Variants in NKAIN2 observed in about 807,000 individuals in gnomAD.
NKAIN2 encodes the protein sodium/potassium transporting ATPase interacting 2, also known as sodium/potassium-transporting ATPase subunit beta-1-interacting protein 2.
A neutral mutation model predicts 32.6 loss-of-function variants in NKAIN2; 14 were observed. That is an observed-to-expected ratio of 0.43 (90% CI 0.28 to 0.67). NKAIN2 has a LOEUF of 0.67. Ranked by LOEUF, NKAIN2 falls within the 30% of genes least tolerant of loss-of-function variation. The pLI, the probability that NKAIN2 is intolerant of heterozygous loss-of-function variation, is 0.17. For synonymous variants in NKAIN2, 80 were observed against 87.2 expected (o/e 0.92, Z 0.46); for missense variants, 198 against 258.3 (o/e 0.77, Z 1.60).
intron 3 of NKAIN2, among the ~76,000 whole-genome samples, chr6:124,532,959 G>GGA (rs1447836823): frequency 1.3e-5 from 2 of 152,260 alleles, no homozygotes; most frequent in African/African-American, 4.8e-5. Flanking sequence ...GAAAAAGATA[G>GGA]GAGCTGGGTT....
intron 3 of NKAIN2, among the ~76,000 whole-genome samples, chr6:124,590,202 G>A (rs1337870): frequency 1 from 152,083 of 152,294 alleles, 75,937 homozygotes; most frequent in Middle Eastern, 1. Flanking sequence ...CCCTAAGGCC[G>A]TACTTTAGTG....
At chr6:124,591,439 A>C (rs1447634324) in intron 3 of NKAIN2, among the ~76,000 whole-genome samples, 1 of 152,130 alleles carries the variant, frequency 6.6e-6, no homozygotes, top group Non-Finnish European at 1.5e-5. Flanking sequence ...CCAAGCCTTC[A>C]AACCAGTATG....
At chr6:124,567,051 C>T (rs1188644450) in intron 3 of NKAIN2, among the ~76,000 whole-genome samples, 1 of 152,202 alleles carries the variant, frequency 6.6e-6, no homozygotes, top group Non-Finnish European at 1.5e-5. Context: ...CAGCCTCTGA[C>T]CTTTTAACAT....
At chr6:123,825,923 T>A (rs1395828038) in intron 1 of NKAIN2, among the ~76,000 whole-genome samples, 1 of 152,130 alleles carries the variant, frequency 6.6e-6, no homozygotes, top group African/African-American at 2.4e-5. Flanking sequence ...CTGGAATACT[T>A]AGATTAAAAG....
At chr6:123,922,063 A>G (rs1162925140) in intron 1 of NKAIN2, among the ~76,000 whole-genome samples, 3 of 152,164 alleles carry the variant, frequency 2.0e-5, no homozygotes, top group Non-Finnish European at 2.9e-5. Context: ...TACATTCTTC[A>G]TTAGAGAGAC....
chr6:123,923,105 G>C (rs1471638776), intron 1 of NKAIN2, among the ~76,000 whole-genome samples: 2 of 149,348 alleles, frequency 1.3e-5, no homozygotes, highest in Non-Finnish European at 3.0e-5. Context: ...CTACTTCATA[G>C]AGTTTTTCAA....
At chr6:124,085,260 A>T (rs1445555650) in intron 1 of NKAIN2, among the ~76,000 whole-genome samples, 1 of 152,066 alleles carries the variant, frequency 6.6e-6, no homozygotes, top group Non-Finnish European at 1.5e-5. Context: ...TAAATTTTTC[A>T]GTGGTTTATT....
rs1000736690 is a variant in NKAIN2 at position 124,420,057 on chromosome 6, T to G, written c.273+64710T>G. Among the ~76,000 whole-genome samples, 4 of 152,150 alleles carry G rather than the reference T, an allele frequency of 2.6e-5. No homozygotes were observed. The East Asian group carries it at 7.7e-4, about 29-fold the overall frequency. ...AAATATACTGTTAAGTTAGCCAGGG[T>G]GAGTTAAAGATCATTAAACTTGGTT... On this transcript the variant is annotated intron_variant, in intron 3 of 6. Transcript: ENST00000368417.
intron 1 of NKAIN2, among the ~76,000 whole-genome samples, chr6:124,076,566 G>A (rs1343197627): frequency 2.0e-5 from 3 of 152,182 alleles, no homozygotes; most frequent in African/African-American, 7.2e-5. Context: ...GCTTTAGATG[G>A]AACACGTGAG....
rs542429074 is a variant in NKAIN2 at position 124,754,933 on chromosome 6, T to G, written c.475-36406T>G. Among the ~76,000 whole-genome samples the G allele has an allele frequency of 4.6e-5, 7 of 152,192 alleles. No homozygotes were observed. In the East Asian group the frequency reaches 9.7e-4, roughly 21 times the overall value. ...GAGAAAGAAAATGTGGTACATTCAC[T>G]GTAATAGTTAAGATTCTCCAGAGGG... On this transcript the variant is annotated intron_variant, in intron 4 of 6. Transcript: ENST00000368417.
chr6:123,855,427 G>A (rs530854759), intron 1 of NKAIN2, among the ~76,000 whole-genome samples: 1 of 152,162 alleles, frequency 6.6e-6, no homozygotes, highest in African/African-American at 2.4e-5. Flanking sequence ...ACTTAAACTT[G>A]TATTTTATAT....
At chr6:124,613,992 G>T (rs1782788700) in intron 3 of NKAIN2, among the ~76,000 whole-genome samples, 1 of 152,182 alleles carries the variant, frequency 6.6e-6, no homozygotes, top group African/African-American at 2.4e-5. Context: ...CCAGTAAAAT[G>T]ATCAGGTCAT....
chr6:124,354,029 C>T (rs373766056), intron 2 of NKAIN2, among the ~76,000 whole-genome samples: 4 of 152,136 alleles, frequency 2.6e-5, no homozygotes, highest in African/African-American at 9.7e-5. Context: ...GAATTCACAC[C>T]TGCTCTTTCC....
intron 6 of NKAIN2, among the ~76,000 whole-genome samples, chr6:124,820,119 C>G (rs982770042): frequency 5.3e-5 from 8 of 152,162 alleles, no homozygotes; most frequent in Middle Eastern, 3.4e-3. Flanking sequence ...CATGCCATAC[C>G]TTCCTTCCCT....
chr6:123,971,223 T>A (rs1778326594), intron 1 of NKAIN2, among the ~76,000 whole-genome samples: 1 of 152,130 alleles, frequency 6.6e-6, no homozygotes, highest in Non-Finnish European at 1.5e-5. Flanking sequence ...GTGGAACTAA[T>A]GCTCTAGTAG....
intron 4 of NKAIN2, among the ~76,000 whole-genome samples, chr6:124,705,077 T>A (rs1774989770): frequency 6.6e-6 from 1 of 152,020 alleles, no homozygotes; most frequent in Non-Finnish European, 1.5e-5. Flanking sequence ...TTAAAAGGAA[T>A]ATGGCTTGGA....
chr6:123,970,210 T>C (rs775041854), intron 1 of NKAIN2, among the ~76,000 whole-genome samples: 5 of 151,996 alleles, frequency 3.3e-5, no homozygotes, highest in Non-Finnish European at 5.9e-5. Flanking sequence ...AAGAGGGTAA[T>C]AGGGAAGAGG....
intron 3 of NKAIN2, among the ~76,000 whole-genome samples, chr6:124,614,264 C>T (rs1430203929): frequency 1.3e-5 from 2 of 152,002 alleles, no homozygotes; most frequent in South Asian, 2.1e-4. Context: ...CGTGGTGGCA[C>T]GTGCCTGTAA....
intron 3 of NKAIN2, among the ~76,000 whole-genome samples, chr6:124,411,135 A>T (rs567689189): frequency 1.3e-5 from 2 of 152,194 alleles, no homozygotes; most frequent in Middle Eastern, 3.4e-3. Context: ...CTCTTTATCC[A>T]GTTTGCCAGT....
Sources: allele counts gnomAD v4.1 joint callset (sites outside exome capture counted in the v4.1 genomes callset), GRCh38; gene constraint gnomAD v4.1.1; transcripts MANE v1.5; gene names NCBI Gene and HGNC (gene_info 2026-07-23, HGNC 2026-07-21).